CPNE7: variants seen among roughly 807,000 people sequenced by gnomAD.
CPNE7 encodes the protein copine 7, also known as copine-7.
In CPNE7, 78 loss-of-function variants were observed where a neutral mutation model predicts 66.5. The ratio of observed to expected loss-of-function variants is 1.17; its 90% CI spans 0.98 to 1.42. The LOEUF (loss-of-function observed/expected upper bound fraction) is 1.42, where lower values mean the gene tolerates loss of function less well. Among genes scored for constraint, CPNE7 ranks in the 40% most tolerant of loss-of-function variants. The pLI, the probability that CPNE7 is intolerant of heterozygous loss-of-function variation, is 0.00. For synonymous variants in CPNE7, 468 were observed against 336.7 expected (o/e 1.39, Z -4.27); for missense variants, 1,012 against 776.6 (o/e 1.30, Z -3.60).
intron 13 of CPNE7, among the ~76,000 whole-genome samples, chr16:89,591,512 C>T (rs1464731216): frequency 6.6e-6 from 1 of 152,214 alleles, no homozygotes; most frequent in Non-Finnish European, 1.5e-5. Context: ...CCCCTCTCCT[C>T]TTCCTCTGGG....
rs201848567 is a variant in CPNE7, at chr16:89,595,589, C to T, written c.1525C>T (p.Arg509Trp). 1.6e-5 allele frequency: 25 copies of T among 1,603,922 alleles called. No homozygotes were observed. Among genetic ancestry groups the T allele is most frequent in the South Asian group, 4.4e-5 (4 of 90,614 alleles). ...GGACATCGTACAGTTCGTGCCCTTC[C>T]GGGAGCTCAAGAACGTGAGTGTCCT... ...LRDIVQFVPF[R>W]ELKNASPAAL... The change falls in exon 14 of 15, where the codon CGG becomes TGG. Residue 509 changes from arginine (R) to tryptophan (W), a missense_variant. Coordinates refer to ENST00000319518, the MANE Select transcript of CPNE7 (RefSeq NM_153636.3).
intron 10 of CPNE7, among the ~76,000 whole-genome samples, chr16:89,589,584 GGTTCC>G (rs2059138350): frequency 6.6e-6 from 1 of 152,186 alleles, no homozygotes; most frequent in Non-Finnish European, 1.5e-5. Context: ...GGCCACAGTG[GGTTCC>G]TTGGCCCCAC....
chr16:89,585,685 A>C lies in CPNE7; in HGVS notation c.682-2A>C. 3.2e-6 allele frequency: 5 copies of C among 1,553,282 alleles called. No homozygotes were observed. The highest frequency in any genetic ancestry group is 4.4e-6 in the Non-Finnish European group (5 of 1,148,074). On this transcript the variant is annotated splice_acceptor_variant, in intron 6 of 14. Coordinates refer to ENST00000319518, the MANE Select transcript of CPNE7 (RefSeq NM_153636.3). LOFTEE classifies it high-confidence loss of function. Reference sequence around the variant, plus strand: ...AGTGCTGAGGAGGACTGGGCTCCCCAGTGCCTGGTCTGGGATTACGACTCT... The same window carrying C: ...AGTGCTGAGGAGGACTGGGCTCCCCCGTGCCTGGTCTGGGATTACGACTCT...
In CPNE7 at chr16:89,589,898, G is replaced by C; in HGVS notation, c.1063G>C (p.Asp355His). The C allele has an allele frequency of 1.9e-6, 3 of 1,613,764 alleles. No homozygotes were observed. Among genetic ancestry groups the C allele is most frequent in the Middle Eastern group, 1.6e-4 (1 of 6,062 alleles). The change falls in exon 11 of 15, where the codon GAC becomes CAC. Residue 355 changes from aspartate (D) to histidine (H), a missense_variant and splice_region_variant. By Grantham distance (81) the Asp-to-His change is moderately conservative. Transcript: ENST00000319518. Reference protein sequence around the residue: ...VGEICQDYDSDKRFSALGFGA... With the variant: ...VGEICQDYDSHKRFSALGFGA... ...GGTGACCTCCTGCCTCTCTTCCAGT[G>C]ACAAGAGGTTTTCCGCTTTGGGGTT...
chr16:89,590,066 G>A (rs2059145260), intron 11 of CPNE7, 115 bp downstream of exon 11: 1 of 1,221,576 alleles, frequency 8.2e-7, no homozygotes, highest in Non-Finnish European at 1.2e-6. Flanking sequence ...GAGACTGTAG[G>A]ATGGGATTGG....
Position 89,591,068 on chromosome 16 carries a change from C to G in CPNE7, c.1168+10C>G, listed in dbSNP as rs377208704. 1 of 1,613,410 alleles carries G rather than the reference C, an allele frequency of 6.2e-7. No individual in the cohort carries two copies. Among genetic ancestry groups the G allele is most frequent in the South Asian group, 1.1e-5 (1 of 91,058 alleles). ...GACGATGAGTGTGAAGGTAGGAGCT[C>G]GAGGCAGGCCTGGGGAGGGGAGTGC... On this transcript the variant is annotated intron_variant, in intron 12 of 14. Transcript: ENST00000319518.
rs114759325 is a variant in CPNE7, at chr16:89,588,940, C to T, written c.1061+132C>T. Reference sequence around the variant, plus strand: ...GGTGCACCCGGCCGGTTTTCCCTCACCCCCCTGGGCTCCAGGTCAGGCCTC... The same window carrying T: ...GGTGCACCCGGCCGGTTTTCCCTCATCCCCCTGGGCTCCAGGTCAGGCCTC... On this transcript the variant is annotated intron_variant, in intron 10 of 14. Transcript: ENST00000319518. 2.8e-3 allele frequency: 2,983 copies of T among 1,065,744 alleles called. 56 individuals are homozygous for T. In the African/African-American group the frequency reaches 0.042, roughly 15 times the overall value. 66.0% of individuals were successfully genotyped at this position (1,065,744 alleles called of 1,614,324 possible).
rs776821630 is a variant in CPNE7, at chr16:89,576,097, G to A, written c.174+26G>A. Reference sequence around the variant, plus strand: ...GTAGGGCCGGGGCGTGGGAGGCCGAGAGGCCACCGGGCCGGGGCTGGCGCC... The same window carrying A: ...GTAGGGCCGGGGCGTGGGAGGCCGAAAGGCCACCGGGCCGGGGCTGGCGCC... On this transcript the variant is annotated intron_variant, in intron 1 of 14. Coordinates refer to ENST00000319518, the MANE Select transcript of CPNE7 (RefSeq NM_153636.3). 237 of 1,244,154 alleles carry A rather than the reference G, an allele frequency of 1.9e-4. No homozygotes were observed. The African/African-American group carries it at 3.3e-3, about 17-fold the overall frequency. 77.1% of individuals were successfully genotyped at this position (1,244,154 alleles called of 1,614,324 possible).
intron 10 of CPNE7, 41 bp from the exon 11 acceptor site, chr16:89,589,856 A>G: frequency 6.2e-7 from 1 of 1,611,262 alleles, no homozygotes; most frequent in Non-Finnish European, 8.5e-7. Context: ...TGCAGCCACA[A>G]GAGGTCAGGG....
intron 10 of CPNE7, 26 bp downstream of exon 10, chr16:89,588,834 C>T (rs757676347): frequency 1.9e-6 from 3 of 1,608,770 alleles, no homozygotes; most frequent in East Asian, 2.2e-5. Flanking sequence ...TCCCCTCACC[C>T]CCTGGTCTCC....
In CPNE7 at chr16:89,584,105, G is replaced by C; in HGVS notation, c.507+3G>C. 2 of 1,610,238 alleles carry C rather than the reference G, an allele frequency of 1.2e-6. No individual in the cohort carries two copies. The highest frequency in any genetic ancestry group is 1.7e-6 in the Non-Finnish European group (2 of 1,178,760). On this transcript the variant is annotated splice_donor_region_variant and intron_variant, in intron 4 of 14. Coordinates refer to ENST00000319518, the MANE Select transcript of CPNE7 (RefSeq NM_153636.3). The surrounding 1 kb of genome is among the most constrained non-coding windows in gnomAD (Gnocchi z 6.0). ...GGGCCAGGAAGCTGGACGACAAGGTGAGTGCAGGTGCCGGGCACGCCTGGC... is the reference window on the plus strand; with the variant it reads ...GGGCCAGGAAGCTGGACGACAAGGTCAGTGCAGGTGCCGGGCACGCCTGGC...
intron 2 of CPNE7, among the ~76,000 whole-genome samples, chr16:89,581,645 T>C (rs1259792729): frequency 6.6e-6 from 1 of 152,124 alleles, no homozygotes; most frequent in Non-Finnish European, 1.5e-5. Flanking sequence ...AATATGGACA[T>C]GCTTTTTTTG....
chr16:89,583,582 G>T (rs1456106176), intron 2 of CPNE7, 115 bp from the exon 3 acceptor site: 2 of 1,603,746 alleles, frequency 1.2e-6, no homozygotes, highest in Admixed American at 1.7e-5. Flanking sequence ...GAAGCTCATG[G>T]TGGGGGATGG....
At chr16:89,583,355 G>A (rs565428038) in intron 2 of CPNE7, 62 of 1,281,180 alleles carry the variant, frequency 4.8e-5, no homozygotes, top group East Asian at 3.3e-4. Context: ...GTGGAGGGGC[G>A]TCCGCCACAC....
rs563473897 is a variant in CPNE7, at chr16:89,576,440, G to A, written c.174+369G>A. Among the ~76,000 whole-genome samples the A allele has an allele frequency of 1.2e-3, 182 of 151,714 alleles. 1 individual carries two copies. Among genetic ancestry groups the A allele is most frequent in the African/African-American group, 4.2e-3 (174 of 41,472 alleles). On this transcript the variant is annotated intron_variant, in intron 1 of 14. Coordinates refer to ENST00000319518, the MANE Select transcript of CPNE7 (RefSeq NM_153636.3). ...GCGCAAGGAGATTGAGGGGTGAGGG[G>A]CGCCGGCCGACGGGGGGCGGGAGGC...
intron 13 of CPNE7, among the ~76,000 whole-genome samples, chr16:89,591,555 G>C (rs572457873): frequency 2.0e-5 from 3 of 152,194 alleles, no homozygotes; most frequent in African/African-American, 7.2e-5. Flanking sequence ...CTACTGTTTG[G>C]CTGTGTGTGT....
At chr16:89,580,591 G>A (rs1462223725) in intron 2 of CPNE7, among the ~76,000 whole-genome samples, 1 of 124,476 alleles carries the variant, frequency 8.0e-6, no homozygotes, top group Admixed American at 8.6e-5. Context: ...CCCATCACAC[G>A]GAACATCCCG....
chr16:89,583,239 G>A (rs1040009082), intron 2 of CPNE7, among the ~76,000 whole-genome samples: 23 of 152,104 alleles, frequency 1.5e-4, no homozygotes, highest in African/African-American at 5.6e-4. Context: ...CCGTGGCTAC[G>A]TGGACATGCT....
chr16:89,577,664 C>T lies in CPNE7; in HGVS notation c.300C>T (p.Ser100=), dbSNP rs113410325. Residue 100 remains serine, a synonymous_variant, in exon 2 of 15, where the codon AGC becomes AGT. Transcript: ENST00000319518. The part of the protein sequence containing the change: ...RFEVYDTHGP[S]GFSCQEDDFL... ...AGGTGTACGACACGCATGGGCCCAGCGGCTTCAGCTGTCAGGAGGACGATT... is the reference window on the plus strand; with the variant it reads ...AGGTGTACGACACGCATGGGCCCAGTGGCTTCAGCTGTCAGGAGGACGATT... 213 of 1,598,090 alleles carry T rather than the reference C, an allele frequency of 1.3e-4. No homozygotes were observed. The African/African-American group carries it at 2.5e-3, about 19-fold the overall frequency.
Sources: gnomAD v4.1 joint callset for allele counts (sites outside exome capture counted in the v4.1 genomes callset) on GRCh38, gnomAD v4.1.1 for gene constraint, Gnocchi (gnomAD v3.1) non-coding constraint, MANE v1.5 for transcripts, NCBI Gene and HGNC (gene_info 2026-07-23, HGNC 2026-07-21) for gene names.